Variants in CNBD1 observed in about 807,000 individuals in gnomAD.
CNBD1 encodes cyclic nucleotide-binding domain-containing protein 1.
A neutral mutation model predicts 54.4 loss-of-function variants in CNBD1; 71 were observed. That is an observed-to-expected ratio of 1.30 (90% CI 1.08 to 1.59). CNBD1 has a LOEUF of 1.59. Ranked by LOEUF, CNBD1 falls within the 40% of genes most tolerant of loss-of-function variation. The probability of loss-of-function intolerance (pLI) is 0.00; values close to 1 mark genes in which losing one functional copy is unlikely to be tolerated. For synonymous variants in CNBD1, 182 were observed against 170.7 expected (o/e 1.07, Z -0.51); for missense variants, 659 against 518.0 (o/e 1.27, Z -2.64).
intron 9 of CNBD1, among the ~76,000 whole-genome samples, chr8:87,352,478 C>CAAAAAAAAAAAAA (rs386413278): frequency 2.5e-4 from 27 of 107,468 alleles, no homozygotes; most frequent in African/African-American, 1.0e-3. Context: ...GACTCTGTCT[C>CAAAAAAAAAAAAA]AAAAAAAAAA....
At chr8:87,064,766 G>T (rs561900508) in intron 4 of CNBD1, among the ~76,000 whole-genome samples, 2 of 151,968 alleles carry the variant, frequency 1.3e-5, no homozygotes, top group South Asian at 4.1e-4. Context: ...GTGTCCTAGT[G>T]TAGGTGCCAT....
intron 2 of CNBD1, among the ~76,000 whole-genome samples, chr8:86,898,921 CT>C (rs1808890389): frequency 6.6e-6 from 1 of 152,000 alleles, no homozygotes; most frequent in Admixed American, 6.6e-5. Flanking sequence ...ACGTGTACCC[CT>C]GAACCTGAAA....
At chr8:87,391,655 G>C (rs1193289685) in intron 2 of CNBD1, among the ~76,000 whole-genome samples, 1 of 151,834 alleles carries the variant, frequency 6.6e-6, no homozygotes, top group Non-Finnish European at 1.5e-5. Flanking sequence ...GACTGAAGTT[G>C]GATCCACACT....
chr8:86,951,677 G>A (rs1370379607), intron 4 of CNBD1, among the ~76,000 whole-genome samples: 3 of 114,462 alleles, frequency 2.6e-5, no homozygotes, highest in Non-Finnish European at 5.3e-5. Flanking sequence ...TAATTTTATA[G>A]AACAACAAAA....
chr8:87,258,236 A>G (rs1285428509), intron 6 of CNBD1, among the ~76,000 whole-genome samples: 1 of 152,036 alleles, frequency 6.6e-6, no homozygotes, highest in Non-Finnish European at 1.5e-5. Context: ...TGTAAACTAG[A>G]ATTCCAGGTT....
chr8:87,171,144 T>A (rs935214365), intron 4 of CNBD1, among the ~76,000 whole-genome samples: 1 of 152,192 alleles, frequency 6.6e-6, no homozygotes, highest in Admixed American at 6.6e-5. Context: ...AGTGAAGATA[T>A]CAGGTCTCAG....
intron 5 of CNBD1, among the ~76,000 whole-genome samples, chr8:87,232,906 G>T (rs1807473622): frequency 6.6e-6 from 1 of 152,044 alleles, no homozygotes; most frequent in African/African-American, 2.4e-5. Flanking sequence ...GTAATAGTAT[G>T]TAATATGAGG....
chr8:87,236,379 G>A (rs560340409), intron 5 of CNBD1, among the ~76,000 whole-genome samples: 2 of 152,132 alleles, frequency 1.3e-5, no homozygotes, highest in East Asian at 3.9e-4. Context: ...GTAAGAGTAG[G>A]ACAGATATGG....
chr8:87,034,823 A>T (rs1253718025), intron 4 of CNBD1, among the ~76,000 whole-genome samples: 2 of 152,188 alleles, frequency 1.3e-5, no homozygotes, highest in Admixed American at 6.5e-5. Flanking sequence ...GTGGACCTGT[A>T]CAGTTCAAAT....
chr8:86,931,642 C>T (rs867625232), intron 3 of CNBD1, among the ~76,000 whole-genome samples: 1 of 151,922 alleles, frequency 6.6e-6, no homozygotes, highest in Middle Eastern at 3.2e-3. Flanking sequence ...TCAGCCTGTT[C>T]CTTCCTCTTT....
intron 8 of CNBD1, among the ~76,000 whole-genome samples, chr8:87,305,499 C>T (rs1001768468): frequency 6.6e-6 from 1 of 152,088 alleles, no homozygotes; most frequent in South Asian, 2.1e-4. Flanking sequence ...TACCTGATTT[C>T]AAACTATACT....
chr8:87,031,618 G>A (rs1487302934), intron 4 of CNBD1, among the ~76,000 whole-genome samples: 1 of 152,164 alleles, frequency 6.6e-6, no homozygotes, highest in Non-Finnish European at 1.5e-5. Flanking sequence ...GGGGTTATCT[G>A]TCTCAGTGAA....
intron 3 of CNBD1, among the ~76,000 whole-genome samples, chr8:86,939,386 C>T (rs1809609326): frequency 6.6e-6 from 1 of 152,054 alleles, no homozygotes; most frequent in Admixed American, 6.6e-5. Flanking sequence ...GAAAATATTT[C>T]ATATATTCCA....
chr8:87,370,130 T>C (rs1810744217), intron 10 of CNBD1, among the ~76,000 whole-genome samples: 2 of 151,854 alleles, frequency 1.3e-5, no homozygotes, highest in Admixed American at 1.3e-4. Context: ...TCTATCATTG[T>C]TGGACATTTG....
At chr8:87,374,954 A>C (rs893165308) in intron 10 of CNBD1, among the ~76,000 whole-genome samples, 1 of 150,012 alleles carries the variant, frequency 6.7e-6, no homozygotes, top group Non-Finnish European at 1.5e-5. Flanking sequence ...CAAAAATGCA[A>C]GGTTTTCTGA....
At chr8:87,074,840 G>A (rs779902618) in intron 4 of CNBD1, among the ~76,000 whole-genome samples, 8 of 152,148 alleles carry the variant, frequency 5.3e-5, no homozygotes, top group Non-Finnish European at 1.0e-4. Flanking sequence ...TCCTCTCCAT[G>A]AGTGCCACAG....
intron 4 of CNBD1, among the ~76,000 whole-genome samples, chr8:87,150,771 C>G (rs1249019313): frequency 6.6e-6 from 1 of 152,110 alleles, no homozygotes; most frequent in African/African-American, 2.4e-5. Flanking sequence ...AGTTAGGCCC[C>G]TACTCCCAAA....
intron 8 of CNBD1, among the ~76,000 whole-genome samples, chr8:87,328,749 T>TTTTA (rs1206850202): frequency 1.3e-5 from 2 of 152,158 alleles, no homozygotes. Context: ...TAGTTTATCT[T>TTTTA]TTTATTTATT....
chr8:87,353,930 T>C (rs1294397604), intron 10 of CNBD1, 144 bp downstream of exon 10: 9 of 543,844 alleles, frequency 1.7e-5, no homozygotes, highest in Admixed American at 7.6e-5. Context: ...CATAATCTCC[T>C]CCAGATCATT....
Sources: gnomAD v4.1 joint callset for allele counts (sites outside exome capture counted in the v4.1 genomes callset) on GRCh38, gnomAD v4.1.1 for gene constraint, MANE v1.5 for transcripts, NCBI Gene and HGNC (gene_info 2026-07-23, HGNC 2026-07-21) for gene names.